The following MCMDC2 variants were observed in gnomAD, a reference collection of about 807,000 sequenced individuals.
MCMDC2 encodes minichromosome maintenance domain-containing protein 2.
Under a neutral mutation model 75.8 loss-of-function variants are expected in MCMDC2, and 54 were observed. The observed-to-expected ratio is 0.71, with a 90% CI of 0.57 to 0.89. The LOEUF (loss-of-function observed/expected upper bound fraction) is 0.89. Among genes scored for constraint, MCMDC2 ranks in the 40% least tolerant of loss-of-function variants. The pLI, the probability that MCMDC2 is intolerant of heterozygous loss-of-function variation, is 0.00. For missense variants in MCMDC2, 656 were observed against 780.4 expected (o/e 0.84, Z 1.90); for synonymous variants, 249 against 274.6 (o/e 0.91, Z 0.92).
chr8:66,918,441 A>C (rs1037641075), intron 14 of MCMDC2, among the ~76,000 whole-genome samples: 10 of 152,166 alleles, frequency 6.6e-5, no homozygotes, highest in Admixed American at 5.9e-4. Context: ...GCCAAATCCA[A>C]AGTGAATCTG....
At chr8:66,908,751 C>A (rs1294931732) in intron 14 of MCMDC2, among the ~76,000 whole-genome samples, 1 of 152,114 alleles carries the variant, frequency 6.6e-6, no homozygotes, top group Non-Finnish European at 1.5e-5. Context: ...GCTGGAATTA[C>A]AAGCATGCAC....
intron 14 of MCMDC2, among the ~76,000 whole-genome samples, chr8:66,908,255 A>G (rs1041820583): frequency 1.3e-5 from 2 of 152,148 alleles, no homozygotes; most frequent in African/African-American, 4.8e-5. Flanking sequence ...TATAAGGTGT[A>G]AGGAAGGGGT....
At position 66,889,591 on chromosome 8, in the gene MCMDC2, A is replaced by G. The variant is rs181122625; in HGVS notation, c.1074-1274A>G. 2.2e-3 allele frequency among the ~76,000 whole-genome samples: 330 copies of G among 152,296 alleles called. 4 individuals carry two copies. The highest frequency in any genetic ancestry group is 7.7e-3 in the African/African-American group (318 of 41,554). On this transcript the variant is annotated intron_variant, in intron 9 of 14. Coordinates refer to ENST00000422365, the MANE Select transcript of MCMDC2 (RefSeq NM_173518.5). ...GGCAGGAGGATAATTTGAGCTCAGG[A>G]GTTCAAGGCCAGCCTGGGCAACATG...
At position 66,883,865 on chromosome 8, in the gene MCMDC2, C is replaced by G. The variant is rs765329862; in HGVS notation, c.944C>G (p.Pro315Arg). The change falls in exon 9 of 15, where the codon CCT becomes CGT. Residue 315 changes from proline (P) to arginine (R), a missense_variant. Pro to Arg is a moderately radical substitution (Grantham distance 103). Coordinates refer to ENST00000422365, the MANE Select transcript of MCMDC2 (RefSeq NM_173518.5). ...AATATCTTTGCATCACAAATTACCC[C>G]TCCTGGGACTTACAATTTGCTCAAG... ...LANIFASQIT[P>R]PGTYNLLKLC... 2.9e-5 allele frequency: 46 copies of G among 1,613,852 alleles called. No homozygotes were observed. Among genetic ancestry groups the G allele is most frequent in the Admixed American group, 5.0e-5 (3 of 60,000 alleles).
Position 66,907,134 on chromosome 8 carries a change from AC to A in MCMDC2, c.1879+1800del, listed in dbSNP as rs555414416. On this transcript the variant is annotated intron_variant, in intron 14 of 14. Transcript: ENST00000422365. ...ACATGCAGGTTTGTTACATAAGTAT[AC>A]ATGTGCCATGGCGGTTTGCTGCACC... Among the ~76,000 whole-genome samples, 421 of 152,032 alleles carry A rather than the reference AC, an allele frequency of 2.8e-3. 2 individuals are homozygous for A. Among genetic ancestry groups the A allele is most frequent in the African/African-American group, 9.7e-3 (404 of 41,452 alleles).
intron 14 of MCMDC2, 102 bp from the exon 15 acceptor site, chr8:66,918,901 A>AT: frequency 9.3e-7 from 1 of 1,072,358 alleles, no homozygotes; most frequent in South Asian, 2.5e-5. Flanking sequence ...CTCAGACTTA[A>AT]TTTTTAAGAT....
At chr8:66,894,545 G>A (rs185764972) in intron 10 of MCMDC2, among the ~76,000 whole-genome samples, 2 of 152,174 alleles carry the variant, frequency 1.3e-5, no homozygotes, top group African/African-American at 4.8e-5. Flanking sequence ...CACTGTCCTG[G>A]TAAAAACAAA....
At position 66,883,801 on chromosome 8, in the gene MCMDC2, A is replaced by G; in HGVS notation, c.880A>G (p.Thr294Ala). 6.2e-7 allele frequency: 1 copy of G among 1,613,486 alleles called. No individual in the cohort carries two copies. Among genetic ancestry groups the G allele is most frequent in the South Asian group, 1.1e-5 (1 of 91,050 alleles). The change falls in exon 9 of 15, where the codon ACT becomes GCT. Residue 294 changes from threonine to alanine, a missense_variant. Physicochemically the swap from Thr to Ala is moderately conservative, Grantham distance 58. Transcript: ENST00000422365. ...SDNFRCLLSL[T>A]SSSCWKFTAI... ...CAACTTCAGGTGTCTCCTCTCCTTA[A>G]CTTCCAGCTCATGCTGGAAGTTTAC...
chr8:66,917,099 G>A (rs1813351507), intron 14 of MCMDC2, among the ~76,000 whole-genome samples: 1 of 152,174 alleles, frequency 6.6e-6, no homozygotes, highest in Non-Finnish European at 1.5e-5. Flanking sequence ...CAGCAGAGGG[G>A]CAGCAAGCTA....
intron 9 of MCMDC2, among the ~76,000 whole-genome samples, chr8:66,887,541 C>A (rs1389124629): frequency 2.6e-5 from 4 of 152,038 alleles, no homozygotes; most frequent in Non-Finnish European, 5.9e-5. Context: ...CACAGCAAGA[C>A]CCTGTCTCAA....
chr8:66,923,116 C>G (rs73691154), downstream of MCMDC2, among the ~76,000 whole-genome samples: 1 of 152,106 alleles, frequency 6.6e-6, no homozygotes, highest in Non-Finnish European at 1.5e-5. Context: ...AGTACACAGC[C>G]GTTGCTTTTC....
chr8:66,911,104 A>G (rs1813101234), intron 14 of MCMDC2, among the ~76,000 whole-genome samples: 1 of 152,196 alleles, frequency 6.6e-6, no homozygotes, highest in South Asian at 2.1e-4. Context: ...TGAAAGGGAC[A>G]TGAGATTTGG....
At chr8:66,895,392 C>G (rs1812301867) in intron 10 of MCMDC2, among the ~76,000 whole-genome samples, 1 of 147,626 alleles carries the variant, frequency 6.8e-6, no homozygotes, top group African/African-American at 2.5e-5. Context: ...TCTTCTTCTT[C>G]TTTCTTTCTT....
chr8:66,916,783 G>A (rs1813340515), intron 14 of MCMDC2, among the ~76,000 whole-genome samples: 1 of 152,160 alleles, frequency 6.6e-6, no homozygotes, highest in South Asian at 2.1e-4. Flanking sequence ...GTGGGTTGTG[G>A]TTTTGAAGTA....
At chr8:66,901,667 C>T in intron 13 of MCMDC2, 3 of 1,044,244 alleles carry the variant, frequency 2.9e-6, no homozygotes, top group Non-Finnish European at 3.5e-6. Flanking sequence ...CACGGTGGCT[C>T]ACACCTGTAA....
chr8:66,920,764 G>C lies in MCMDC2; in HGVS notation c.*1595G>C, dbSNP rs1352425817. The C allele has an allele frequency of 6.6e-6, 1 of 151,936 alleles. No homozygotes were observed. The highest frequency in any genetic ancestry group is 1.5e-5 in the Non-Finnish European group (1 of 67,998). 9.4% of individuals were successfully genotyped at this position (151,936 alleles called of 1,614,324 possible). Reference sequence around the variant, plus strand: ...CGCCACCTCAGCTCCCTGCAGCCTTGACCTTGCAAGTAATTCTCCCACCTT... The same window carrying C: ...CGCCACCTCAGCTCCCTGCAGCCTTCACCTTGCAAGTAATTCTCCCACCTT... On this transcript the variant is annotated 3_prime_UTR_variant, in exon 15 of 15. Coordinates refer to ENST00000422365, the MANE Select transcript of MCMDC2 (RefSeq NM_173518.5).
At chr8:66,891,268 G>A (rs940615930) in intron 10 of MCMDC2, among the ~76,000 whole-genome samples, 198 bp downstream of exon 10, 1 of 152,194 alleles carries the variant, frequency 6.6e-6, no homozygotes, top group African/African-American at 2.4e-5. Flanking sequence ...TGCTCTCAGT[G>A]TGCTAACACA....
intron 10 of MCMDC2, among the ~76,000 whole-genome samples, chr8:66,893,112 A>G (rs1245046204): frequency 6.6e-6 from 1 of 152,234 alleles, no homozygotes; most frequent in South Asian, 2.1e-4. Context: ...ATGGACAGCC[A>G]TGGACTGGGC....
intron 7 of MCMDC2, among the ~76,000 whole-genome samples, chr8:66,880,294 T>C (rs1359878551): frequency 6.6e-6 from 1 of 152,208 alleles, no homozygotes; most frequent in African/African-American, 2.4e-5. Context: ...TTTAGGAGGC[T>C]GAGGCAAGAG....
Sources: gnomAD v4.1 joint callset for allele counts (sites outside exome capture counted in the v4.1 genomes callset) on GRCh38, gnomAD v4.1.1 for gene constraint, MANE v1.5 for transcripts, NCBI Gene and HGNC (gene_info 2026-07-23, HGNC 2026-07-21) for gene names.